Variants in IKZF3 observed in about 807,000 individuals in gnomAD.
IKZF3 encodes zinc finger protein Aiolos.
In IKZF3, 10 loss-of-function variants were observed where a neutral mutation model predicts 49.0. That is an observed-to-expected ratio of 0.20 (90% confidence interval 0.13 to 0.35). The LOEUF (loss-of-function observed/expected upper bound fraction) is 0.35. IKZF3 is among the 10% of genes least tolerant of loss of function. The probability of loss-of-function intolerance (pLI) is 1.00; values close to 1 mark genes in which losing one functional copy is unlikely to be tolerated. For missense variants in IKZF3, 498 were observed against 664.8 expected, an observed-to-expected ratio of 0.75 and a Z score of 2.76; for synonymous variants, 209 against 228.2, an observed-to-expected ratio of 0.92 and a Z score of 0.76.
At chr17:39,779,640 T>C (rs1479280196) in intron 6 of IKZF3, among the ~76,000 whole-genome samples, 1 of 121,584 alleles carries the variant, frequency 8.2e-6, no homozygotes, top group South Asian at 2.9e-4. Context: ...CTATGTTATA[T>C]TCTTTGTTTT....
chr17:39,862,406 A>G (rs901895761), intron 1 of IKZF3, among the ~76,000 whole-genome samples: 5 of 152,150 alleles, frequency 3.3e-5, no homozygotes, highest in Admixed American at 1.3e-4. Context: ...AGAGGTATAC[A>G]CTATAGACCA....
intron 3 of IKZF3, among the ~76,000 whole-genome samples, chr17:39,820,110 T>C (rs1167570465): frequency 6.6e-6 from 1 of 152,136 alleles, no homozygotes; most frequent in Non-Finnish European, 1.5e-5. Context: ...CTAGGTACTG[T>C]AAATATCTAG....
At chr17:39,802,067 A>G (rs139585142) in intron 3 of IKZF3, among the ~76,000 whole-genome samples, 159 of 151,744 alleles carry the variant, frequency 1.0e-3, no homozygotes, top group Non-Finnish European at 1.8e-3. Context: ...CTAAAAATAT[A>G]AAAAATTAGC....
intron 3 of IKZF3, among the ~76,000 whole-genome samples, chr17:39,820,049 T>C (rs1210592164): frequency 6.6e-6 from 1 of 152,200 alleles, no homozygotes; most frequent in Non-Finnish European, 1.5e-5. Context: ...TTTAGTCACT[T>C]ACTCAACAAA....
intron 1 of IKZF3, among the ~76,000 whole-genome samples, chr17:39,855,472 ATG>A (rs2063011566): frequency 6.6e-6 from 1 of 152,328 alleles, no homozygotes; most frequent in East Asian, 1.9e-4. Context: ...ACGTGTAAAA[ATG>A]TTCTAGTTGT....
chr17:39,793,060 C>T, intron 3 of IKZF3, 127 bp from the exon 4 acceptor site: 1 of 947,576 alleles, frequency 1.1e-6, no homozygotes, highest in Non-Finnish European at 1.6e-6. Flanking sequence ...TGTACATCTA[C>T]AAAACAAGAA....
chr17:39,839,484 G>A, intron 1 of IKZF3: 1 of 571,646 alleles, frequency 1.7e-6, no homozygotes, highest in Admixed American at 2.0e-5. Context: ...TTGTTTCTTG[G>A]CCAGGAATCA....
intron 1 of IKZF3, among the ~76,000 whole-genome samples, chr17:39,848,926 TC>T (rs776681399): frequency 1.3e-5 from 2 of 152,082 alleles, no homozygotes; most frequent in South Asian, 4.1e-4. Context: ...TGAATGATCC[TC>T]CCGCTTTACC....
chr17:39,821,831 TGAAA>T (rs1222480316), intron 3 of IKZF3, among the ~76,000 whole-genome samples: 2 of 152,222 alleles, frequency 1.3e-5, no homozygotes, highest in African/African-American at 4.8e-5. Context: ...GGGTATAGTG[TGAAA>T]GAGTTACTTT....
intron 1 of IKZF3, among the ~76,000 whole-genome samples, chr17:39,839,214 A>C (rs1175108324): frequency 6.6e-6 from 1 of 152,102 alleles, no homozygotes; most frequent in Non-Finnish European, 1.5e-5. Flanking sequence ...AATGCAGTCA[A>C]CCAACACGTT....
chr17:39,802,072 A>G (rs1391189724), intron 3 of IKZF3, among the ~76,000 whole-genome samples: 1 of 151,842 alleles, frequency 6.6e-6, no homozygotes, highest in African/African-American at 2.4e-5. Flanking sequence ...AATATAAAAA[A>G]TTAGCCGGGC....
chr17:39,841,084 G>T (rs545855417), intron 1 of IKZF3, among the ~76,000 whole-genome samples: 3 of 152,106 alleles, frequency 2.0e-5, no homozygotes, highest in Non-Finnish European at 4.4e-5. Context: ...GGCTGAGGTG[G>T]GAGGATCACT....
intron 3 of IKZF3, among the ~76,000 whole-genome samples, chr17:39,825,708 G>C (rs1197543650): frequency 6.6e-6 from 1 of 152,204 alleles, no homozygotes; most frequent in African/African-American, 2.4e-5. Flanking sequence ...GAAATTATTA[G>C]CCTGCTATTG....
rs1012348800 is a variant in IKZF3, at chr17:39,828,729, T to C, written c.163+658A>G. On this transcript the variant is annotated intron_variant, in intron 3 of 7. Transcript: ENST00000346872. ...TTGAATTGAAGTGGGCTGGGTATGGTGGTTCATGCCTGTAATCCCAGGACT... is the reference window on the plus strand; with the variant it reads ...TTGAATTGAAGTGGGCTGGGTATGGCGGTTCATGCCTGTAATCCCAGGACT... Among the ~76,000 whole-genome samples, 21 of 152,238 alleles carry C rather than the reference T, an allele frequency of 1.4e-4. 1 individual carries two copies. Among genetic ancestry groups the C allele is most frequent in the Admixed American group, 4.6e-4 (7 of 15,294 alleles).
In IKZF3 at chr17:39,829,544, A is replaced by G. The variant is rs555225428; in HGVS notation, c.62-56T>C. 9.3e-5 allele frequency: 118 copies of G among 1,270,436 alleles called. No homozygotes were observed. In the African/African-American group the frequency reaches 1.5e-3, roughly 16 times the overall value. The allele number at this position is 1,270,436 out of a possible 1,614,324, so 78.7% of individuals were successfully genotyped here. On this transcript the variant is annotated intron_variant, in intron 2 of 7. Coordinates refer to ENST00000346872, the MANE Select transcript of IKZF3 (RefSeq NM_012481.5). ...GTTCAACGTTAAAGGATTTTTATAA[A>G]TATATATTAAGTAGACCCCCATTTA...
chr17:39,823,267 G>A (rs1207766862), intron 3 of IKZF3, among the ~76,000 whole-genome samples: 1 of 152,106 alleles, frequency 6.6e-6, no homozygotes, highest in Non-Finnish European at 1.5e-5. Flanking sequence ...AAAGAGACTG[G>A]CAGTATTTTG....
At chr17:39,842,978 A>C (rs1323678334) in intron 1 of IKZF3, among the ~76,000 whole-genome samples, 1 of 152,216 alleles carries the variant, frequency 6.6e-6, no homozygotes, top group Non-Finnish European at 1.5e-5. Flanking sequence ...AACACAAATC[A>C]AACCATAAAG....
intron 3 of IKZF3, among the ~76,000 whole-genome samples, chr17:39,797,526 G>A (rs1388009776): frequency 2.0e-5 from 3 of 151,178 alleles, no homozygotes; most frequent in Non-Finnish European, 4.4e-5. Context: ...AGGTCCAAGC[G>A]ATTCTCCTGC....
At chr17:39,826,568 T>C (rs2061961351) in intron 3 of IKZF3, among the ~76,000 whole-genome samples, 1 of 152,206 alleles carries the variant, frequency 6.6e-6, no homozygotes, top group Non-Finnish European at 1.5e-5. Flanking sequence ...AATGGAAACT[T>C]GGCATATTAA....
Sources: gnomAD v4.1 joint callset for allele counts (sites outside exome capture counted in the v4.1 genomes callset) on GRCh38, gnomAD v4.1.1 for gene constraint, MANE v1.5 for transcripts, NCBI Gene and HGNC (gene_info 2026-07-23, HGNC 2026-07-21) for gene names.